The following LINGO2 variants were observed in gnomAD, a reference collection of about 807,000 sequenced individuals.
The protein encoded by LINGO2 is leucine-rich repeat and immunoglobulin-like domain-containing nogo receptor-interacting protein 2.
LINGO2 carries 14 observed loss-of-function variants against 30.6 expected under a neutral mutation model. The observed-to-expected ratio is 0.46, with a 90% CI of 0.30 to 0.72. The LOEUF is 0.72. LINGO2 is among the 30% of genes least tolerant of loss of function. LINGO2 has a pLI of 0.07. For missense variants in LINGO2, 729 were observed against 751.7 expected (o/e 0.97, Z 0.35); for synonymous variants, 317 against 288.5 (o/e 1.10, Z -1.00).
At chr9:28,550,130 C>T (rs1030761592) in intron 1 of LINGO2, among the ~76,000 whole-genome samples, 1 of 151,824 alleles carries the variant, frequency 6.6e-6, no homozygotes, top group East Asian at 1.9e-4. Context: ...GAAAGCTGTG[C>T]ATTATTTGAG....
chr9:28,578,279 G>A (rs1044981282), intron 1 of LINGO2, among the ~76,000 whole-genome samples: 1 of 152,114 alleles, frequency 6.6e-6, no homozygotes, highest in Non-Finnish European at 1.5e-5. Context: ...TGGAGTTGAG[G>A]TGGGGAGGTG....
At chr9:28,980,922 T>A in the LINGO2 span, among the ~76,000 whole-genome samples, 98,946 of 151,954 alleles carry the variant, frequency 0.65, 32,813 homozygotes, top group Non-Finnish European at 0.72. Flanking sequence ...ATTGCCTAGG[T>A]TTGTGCCTGG....
chr9:29,202,124 T>C, the LINGO2 span, among the ~76,000 whole-genome samples: 8 of 152,104 alleles, frequency 5.3e-5, no homozygotes, highest in Non-Finnish European at 1.0e-4. Flanking sequence ...AAATAAGATA[T>C]AATTTTTGTC....
intron 1 of LINGO2, among the ~76,000 whole-genome samples, chr9:28,482,573 T>C (rs889801432): frequency 2.0e-4 from 30 of 152,140 alleles, no homozygotes; most frequent in Non-Finnish European, 3.5e-4. Flanking sequence ...ATTTTGCAGG[T>C]TGCCTGTTCA....
chr9:28,954,122 A>G, the LINGO2 span, among the ~76,000 whole-genome samples: 39 of 152,310 alleles, frequency 2.6e-4, no homozygotes, highest in African/African-American at 8.7e-4. Flanking sequence ...ATCACTGGCA[A>G]CAAATACAAA....
chr9:28,413,979 G>A (rs1024111512), intron 2 of LINGO2, among the ~76,000 whole-genome samples: 1 of 147,792 alleles, frequency 6.8e-6, no homozygotes, highest in Non-Finnish European at 1.5e-5. Context: ...CATATTAATA[G>A]CATTTCTTAA....
the LINGO2 span, among the ~76,000 whole-genome samples, chr9:29,040,882 T>C: frequency 6.6e-6 from 1 of 152,034 alleles, no homozygotes; most frequent in Non-Finnish European, 1.5e-5. Flanking sequence ...ATTCAAATTA[T>C]ACAAAATTAA....
the LINGO2 span, among the ~76,000 whole-genome samples, chr9:29,041,420 C>T: frequency 2.6e-3 from 388 of 151,950 alleles, 2 homozygotes; most frequent in African/African-American, 8.9e-3. Context: ...TTACTCTATC[C>T]GATAGTAAGG....
chr9:28,472,593 A>T (rs548337173), intron 2 of LINGO2, among the ~76,000 whole-genome samples: 2 of 152,306 alleles, frequency 1.3e-5, no homozygotes, highest in East Asian at 3.9e-4. Context: ...TTTAGATTAA[A>T]AAAACCCTTT....
intron 1 of LINGO2, among the ~76,000 whole-genome samples, chr9:28,637,248 G>A (rs541340567): frequency 7.6e-4 from 116 of 152,248 alleles, no homozygotes; most frequent in African/African-American, 2.3e-3. Context: ...TTTGAAATCA[G>A]GTAGCGTGAT....
chr9:27,991,896 A>T (rs1821416145), intron 5 of LINGO2, among the ~76,000 whole-genome samples: 2 of 152,040 alleles, frequency 1.3e-5, no homozygotes, highest in Admixed American at 6.6e-5. Context: ...TCCATTTTTT[A>T]AAAAATGTGC....
chr9:28,084,494 A>G (rs1181307051), intron 4 of LINGO2, among the ~76,000 whole-genome samples: 1 of 152,146 alleles, frequency 6.6e-6, no homozygotes, highest in Non-Finnish European at 1.5e-5. Flanking sequence ...TATACCTGGT[A>G]TACGCCAGGT....
At chr9:28,157,729 T>C (rs996887731) in intron 4 of LINGO2, among the ~76,000 whole-genome samples, 2 of 152,200 alleles carry the variant, frequency 1.3e-5, no homozygotes, top group Non-Finnish European at 2.9e-5. Flanking sequence ...AGAAATTTCT[T>C]CCAAGAGATA....
chr9:28,440,174 G>T (rs1364528343), intron 2 of LINGO2, among the ~76,000 whole-genome samples: 1 of 152,092 alleles, frequency 6.6e-6, no homozygotes, highest in Non-Finnish European at 1.5e-5. Context: ...TATTTTTAAA[G>T]AGTAAAATTA....
chr9:27,946,997 G>C (rs1823389924), downstream of LINGO2, among the ~76,000 whole-genome samples: 1 of 152,046 alleles, frequency 6.6e-6, no homozygotes, highest in Non-Finnish European at 1.5e-5. Flanking sequence ...TAAAAAGCCA[G>C]CCTTTTGAAT....
intron 1 of LINGO2, among the ~76,000 whole-genome samples, chr9:28,665,365 G>A (rs1458207595): frequency 6.6e-6 from 1 of 151,908 alleles, no homozygotes; most frequent in African/African-American, 2.4e-5. Flanking sequence ...CCAAATATGT[G>A]CAACACATTT....
At chr9:28,212,696 T>C (rs891803115) in intron 4 of LINGO2, among the ~76,000 whole-genome samples, 23 of 151,332 alleles carry the variant, frequency 1.5e-4, no homozygotes, top group Admixed American at 4.0e-4. Flanking sequence ...AAATTTAAGA[T>C]AAATAAAATT....
intron 2 of LINGO2, among the ~76,000 whole-genome samples, chr9:28,463,715 G>T (rs974556373): frequency 6.6e-6 from 1 of 151,536 alleles, no homozygotes; most frequent in Admixed American, 6.6e-5. Context: ...AGAGAGCCAA[G>T]ATGAGCCATT....
At chr9:29,005,688 G>A in the LINGO2 span, among the ~76,000 whole-genome samples, 1 of 151,964 alleles carries the variant, frequency 6.6e-6, no homozygotes, top group Non-Finnish European at 1.5e-5. Flanking sequence ...CAGTGGCTCT[G>A]TGGAACCCAC....
Sources: allele counts gnomAD v4.1 joint callset (sites outside exome capture counted in the v4.1 genomes callset), GRCh38; gene constraint gnomAD v4.1.1; transcripts MANE v1.5; gene names NCBI Gene and HGNC (gene_info 2026-07-23, HGNC 2026-07-21).